PDE1A: variants seen among roughly 807,000 people sequenced by gnomAD.
The protein encoded by PDE1A is phosphodiesterase 1A, also known as dual specificity calcium/calmodulin-dependent 3',5'-cyclic nucleotide phosphodiesterase 1A.
A neutral mutation model predicts 61.7 loss-of-function variants in PDE1A; 35 were observed. That is an observed-to-expected ratio of 0.57 (90% CI 0.43 to 0.75). The LOEUF (loss-of-function observed/expected upper bound fraction) is 0.75. Ranked by LOEUF, PDE1A falls within the 30% of genes least tolerant of loss-of-function variation. The pLI is 0.00. For missense variants in PDE1A, 597 were observed against 630.6 expected, an observed-to-expected ratio of 0.95 and a Z score of 0.57; for synonymous variants, 232 against 213.2, an observed-to-expected ratio of 1.09 and a Z score of -0.77.
chr2:182,545,458 A>G, the PDE1A span, among the ~76,000 whole-genome samples: 10 of 152,324 alleles, frequency 6.6e-5, no homozygotes, highest in Non-Finnish European at 8.8e-5. Context: ...TCTCTCTAAT[A>G]AATTCCTTCC....
the PDE1A span, among the ~76,000 whole-genome samples, chr2:182,627,439 T>A: frequency 7.4e-6 from 1 of 135,454 alleles, no homozygotes; most frequent in African/African-American, 2.8e-5. Context: ...AATATATATA[T>A]ATAAAATCTC....
chr2:182,277,085 T>C (rs1693472383), intron 1 of PDE1A, among the ~76,000 whole-genome samples: 1 of 152,096 alleles, frequency 6.6e-6, no homozygotes, highest in Non-Finnish European at 1.5e-5. Flanking sequence ...CCTTGTGATC[T>C]TTGCTTTTGT....
intron 1 of PDE1A, among the ~76,000 whole-genome samples, chr2:182,305,793 A>C (rs1332327574): frequency 6.6e-6 from 1 of 152,048 alleles, no homozygotes; most frequent in Non-Finnish European, 1.5e-5. Flanking sequence ...TTATGAGGTA[A>C]AAGTGATATT....
At chr2:182,145,723 G>C (rs868335466), downstream of PDE1A, among the ~76,000 whole-genome samples, 2 of 151,690 alleles carry the variant, frequency 1.3e-5, no homozygotes, top group African/African-American at 2.4e-5. Flanking sequence ...AGCGAGACTC[G>C]GTCTCCAAAA....
upstream of PDE1A, among the ~76,000 whole-genome samples, chr2:182,523,402 T>G (rs531960525): frequency 5.9e-5 from 9 of 152,238 alleles, no homozygotes; most frequent in East Asian, 1.7e-3. Context: ...GAATCAGAAC[T>G]GAGTCGTCTG....
chr2:182,314,765 G>A (rs999708582), intron 1 of PDE1A, among the ~76,000 whole-genome samples: 3 of 151,880 alleles, frequency 2.0e-5, no homozygotes, highest in African/African-American at 7.3e-5. Context: ...ATCTTGATTG[G>A]AGTAGTAATT....
intron 2 of PDE1A, among the ~76,000 whole-genome samples, chr2:182,452,157 A>G (rs763790069): frequency 1.6e-4 from 24 of 152,150 alleles, no homozygotes; most frequent in Non-Finnish European, 3.1e-4. Context: ...AATCAGTTCT[A>G]TCTTCTGTAC....
the PDE1A span, among the ~76,000 whole-genome samples, chr2:182,579,632 T>C: frequency 2.0e-5 from 3 of 152,118 alleles, no homozygotes; most frequent in Non-Finnish European, 2.9e-5. Context: ...CTGTCATTGT[T>C]GGCATAAGTC....
chr2:182,603,390 A>T, the PDE1A span, among the ~76,000 whole-genome samples: 1 of 152,190 alleles, frequency 6.6e-6, no homozygotes, highest in Non-Finnish European at 1.5e-5. Flanking sequence ...TCTTTTGCCC[A>T]GGCTGGAATG....
chr2:182,505,455 G>C (rs1689345826), intron 2 of PDE1A, among the ~76,000 whole-genome samples: 1 of 152,164 alleles, frequency 6.6e-6, no homozygotes, highest in African/African-American at 2.4e-5. Context: ...TACAGGAACA[G>C]CTATCATTCG....
chr2:182,593,915 G>A, the PDE1A span, among the ~76,000 whole-genome samples: 1 of 152,244 alleles, frequency 6.6e-6, no homozygotes. Context: ...GGCCATTTGT[G>A]AAACTTCAAA....
At chr2:182,201,887 T>A in intron 8 of PDE1A, 98 bp from the exon 9 acceptor site, 1 of 744,216 alleles carries the variant, frequency 1.3e-6, no homozygotes. Flanking sequence ...TTATAGTTCT[T>A]AATGGATATG....
At chr2:182,418,314 G>A (rs774532557) in intron 1 of PDE1A, among the ~76,000 whole-genome samples, 41 of 152,222 alleles carry the variant, frequency 2.7e-4, no homozygotes, top group Non-Finnish European at 5.0e-4. Flanking sequence ...CAGTCATTAC[G>A]GGTGTAATAG....
chr2:182,285,231 G>C (rs1424049781), intron 1 of PDE1A, among the ~76,000 whole-genome samples: 1 of 152,060 alleles, frequency 6.6e-6, no homozygotes, highest in Admixed American at 6.6e-5. Flanking sequence ...AAGCTCTGCA[G>C]CATCTTTCAC....
At chr2:182,709,670 GA>G in the PDE1A span, among the ~76,000 whole-genome samples, 66 of 151,760 alleles carry the variant, frequency 4.3e-4, no homozygotes, top group African/African-American at 1.6e-3. Context: ...CTGAAAAAAT[GA>G]AATGAAATGC....
chr2:182,643,392 G>T, the PDE1A span, among the ~76,000 whole-genome samples: 1 of 152,132 alleles, frequency 6.6e-6, no homozygotes, highest in Non-Finnish European at 1.5e-5. Context: ...CAGCTTCCAG[G>T]TTCTCTCTGG....
chr2:182,250,368 A>G (rs528846722), intron 2 of PDE1A, among the ~76,000 whole-genome samples: 1 of 152,342 alleles, frequency 6.6e-6, no homozygotes, highest in African/African-American at 2.4e-5. Flanking sequence ...GAAGTACAAT[A>G]AATTAAATGT....
intron 1 of PDE1A, among the ~76,000 whole-genome samples, chr2:182,394,565 T>A (rs1701596071): frequency 1.5e-5 from 1 of 67,366 alleles, no homozygotes; most frequent in South Asian, 8.1e-4. Flanking sequence ...TGCTGGACAC[T>A]GGCTCGAGCT....
intron 2 of PDE1A, among the ~76,000 whole-genome samples, chr2:182,443,700 CTTTTTTTT>C (rs1213330952): frequency 7.4e-6 from 1 of 134,288 alleles, no homozygotes; most frequent in Non-Finnish European, 1.6e-5. Flanking sequence ...TTCTTTTTTC[CTTTTTTTT>C]TTTTTTTTTT....
Sources: gnomAD v4.1 joint callset for allele counts (sites outside exome capture counted in the v4.1 genomes callset) on GRCh38, gnomAD v4.1.1 for gene constraint, MANE v1.5 for transcripts, NCBI Gene and HGNC (gene_info 2026-07-23, HGNC 2026-07-21) for gene names.